The following YWHAZ variants were observed in gnomAD, a reference collection of about 807,000 sequenced individuals.
YWHAZ encodes the protein tyrosine 3-monooxygenase/tryptophan 5-monooxygenase activation protein zeta, also known as 14-3-3 protein zeta/delta.
For missense variants in YWHAZ, 79 were observed against 284.8 expected (o/e 0.28, Z 5.20); for synonymous variants, 87 against 103.6 (o/e 0.84, Z 0.97).
In YWHAZ at chr8:100,951,186, C is replaced by A. The variant is rs138890711; in HGVS notation, c.-12+743G>T. ...GGCGAGCCCCACCCCAAAACCTCACCCCGCAGTGGACTCCCCTCCCGCCGG... is the reference window on the plus strand; with the variant it reads ...GGCGAGCCCCACCCCAAAACCTCACACCGCAGTGGACTCCCCTCCCGCCGG... On this transcript the variant is annotated intron_variant, in intron 1 of 5. Transcript: ENST00000395958. 2,134 of 985,302 alleles carry A rather than the reference C, an allele frequency of 2.2e-3. 28 individuals carry two copies. In the African/African-American group the frequency reaches 0.032, roughly 15 times the overall value. The allele number at this position is 985,302 out of a possible 1,614,324, so 61.0% of individuals were successfully genotyped here.
In YWHAZ at chr8:100,948,580, C is replaced by A; in HGVS notation, c.294+16G>T. On this transcript the variant is annotated intron_variant, in intron 2 of 5. Coordinates refer to ENST00000395958, the MANE Select transcript of YWHAZ (RefSeq NM_145690.3). The surrounding 1 kb of genome is among the most constrained non-coding windows in gnomAD (Gnocchi z 4.2). ...GACCCTACAGTATAATGAAGCCAGA[C>A]TGAATTGATTCTCACCAGTACATCA... 6.2e-7 allele frequency: 1 copy of A among 1,608,262 alleles called. No individual in the cohort carries two copies. Among genetic ancestry groups the A allele is most frequent in the South Asian group, 1.1e-5 (1 of 90,770 alleles).
At chr8:100,945,353 CAG>C (rs1368616466) in intron 2 of YWHAZ, among the ~76,000 whole-genome samples, 1 of 152,132 alleles carries the variant, frequency 6.6e-6, no homozygotes, top group Admixed American at 6.5e-5. Flanking sequence ...CAGAAAAACT[CAG>C]AACTTTGGAG....
chr8:100,937,796 A>C (rs1238286342), intron 2 of YWHAZ, among the ~76,000 whole-genome samples: 1 of 152,244 alleles, frequency 6.6e-6, no homozygotes, highest in Non-Finnish European at 1.5e-5. Flanking sequence ...AAGAGCCCTC[A>C]AAAGTGATTC....
chr8:100,946,982 G>A (rs1432649740), intron 2 of YWHAZ, among the ~76,000 whole-genome samples: 10 of 150,798 alleles, frequency 6.6e-5, no homozygotes, highest in South Asian at 4.2e-4. Flanking sequence ...GGCCGGGCGC[G>A]GTGGCTCAAG....
upstream of YWHAZ, chr8:100,952,274 G>C (rs1418752174): frequency 2.1e-6 from 1 of 471,130 alleles, no homozygotes; most frequent in African/African-American, 2.1e-5. Context: ...CACCCCGCTC[G>C]GCTTCCAGCT....
In YWHAZ at chr8:100,919,696, A is replaced by G. The variant is rs1017912493; in HGVS notation, c.*997T>C. 2.6e-5 allele frequency: 4 copies of G among 152,500 alleles called. No individual in the cohort carries two copies. Among genetic ancestry groups the G allele is most frequent in the African/African-American group, 4.8e-5 (2 of 41,310 alleles). The allele number at this position is 152,500 out of a possible 1,614,324, so 9.4% of individuals were successfully genotyped here. On this transcript the variant is annotated 3_prime_UTR_variant, in exon 6 of 6. Coordinates refer to ENST00000395958, the MANE Select transcript of YWHAZ (RefSeq NM_145690.3). ...GAAAAGCTGTAGAGAAAGTAGTTGA[A>G]AAGTCCATTCATAAAACTTTTATTC... is the stretch of plus-strand genomic sequence containing the variant.
rs1810441189 is a variant in YWHAZ at position 100,948,098 on chromosome 8, A to T, written c.294+498T>A. 1 of 1,534,734 alleles carries T rather than the reference A, an allele frequency of 6.5e-7. No homozygotes were observed. The highest frequency in any genetic ancestry group is 1.2e-5 in the South Asian group (1 of 83,930). On this transcript the variant is annotated intron_variant, in intron 2 of 5. Transcript: ENST00000395958. The surrounding 1 kb of genome is among the most constrained non-coding windows in gnomAD (Gnocchi z 4.2). ...TTACCTTCAAGAATTCAATGCAGGA[A>T]GAGGTTTCATAGTTGTGACGCCAGA...
At position 100,917,284 on chromosome 8, in the gene YWHAZ, AC is replaced by A. The variant is rs1304434607; in HGVS notation, c.*3408del. ...ACATATTCTTTCTCTTTCTCCCCCC[AC>A]CCCCTATAACAGCATGAAGTAACAG... On this transcript the variant is annotated 3_prime_UTR_variant, in exon 6 of 6. Transcript: ENST00000395958. 2.6e-5 allele frequency: 4 copies of A among 151,632 alleles called. No individual in the cohort carries two copies. In the East Asian group the frequency reaches 7.8e-4, roughly 29 times the overall value. 9.4% of individuals were successfully genotyped at this position (151,632 alleles called of 1,614,324 possible).
At chr8:100,932,830 G>T (rs1813849617) in intron 2 of YWHAZ, among the ~76,000 whole-genome samples, 1 of 151,992 alleles carries the variant, frequency 6.6e-6, no homozygotes. Context: ...CTATTTAAGG[G>T]CTATTAATAA....
chr8:100,950,650 C>G, intron 1 of YWHAZ: 1 of 932,614 alleles, frequency 1.1e-6, no homozygotes, highest in Non-Finnish European at 1.3e-6. Context: ...CGCCCCCGCC[C>G]AAGCCGTGGG....
In YWHAZ at chr8:100,918,440, ATAT is replaced by A. The variant is rs1229849413; in HGVS notation, c.*2250_*2252del. On this transcript the variant is annotated 3_prime_UTR_variant, in exon 6 of 6. Coordinates refer to ENST00000395958, the MANE Select transcript of YWHAZ (RefSeq NM_145690.3). Reference sequence around the variant, plus strand: ...TATATATATATATATATATATATATATATAATTATTTTACCTCCTTGGCTTGGG... The same window carrying A: ...TATATATATATATATATATATATATAAATTATTTTACCTCCTTGGCTTGGG... The A allele has an allele frequency of 7.9e-5, 9 of 113,660 alleles. 1 individual carries two copies. The East Asian group carries it at 8.7e-4, about 11-fold the overall frequency. 7.0% of individuals were successfully genotyped at this position (113,660 alleles called of 1,614,324 possible). A position where few individuals can be genotyped will look rare whatever the true frequency, so the allele number is the denominator to read the frequency against.
At chr8:100,953,152 T>G, upstream of YWHAZ, 1 of 985,918 alleles carries the variant, frequency 1.0e-6, no homozygotes, top group Non-Finnish European at 1.2e-6. Context: ...CTGGCAGCCT[T>G]GACCCGGAGA....
At chr8:100,925,677 G>A (rs1296664016) in intron 2 of YWHAZ, among the ~76,000 whole-genome samples, 1 of 152,188 alleles carries the variant, frequency 6.6e-6, no homozygotes, top group Non-Finnish European at 1.5e-5. Context: ...CGGCTAGTAA[G>A]ATACACGATT....
At position 100,917,910 on chromosome 8, in the gene YWHAZ, C is replaced by T. The variant is rs1812770090; in HGVS notation, c.*2783G>A. The stretch of plus-strand genomic sequence containing the variant: ...TCTCAGGTTGGAAATTTTCCTTAAT[C>T]TATTGGGAACTACTATGTAGAAAAC... On this transcript the variant is annotated 3_prime_UTR_variant, in exon 6 of 6. Transcript: ENST00000395958. The T allele has an allele frequency of 6.6e-6, 1 of 152,134 alleles. No individual in the cohort carries two copies. Among genetic ancestry groups the T allele is most frequent in the Admixed American group, 6.5e-5 (1 of 15,278 alleles). The allele number at this position is 152,134 out of a possible 1,614,324, so 9.4% of individuals were successfully genotyped here. A position where few individuals can be genotyped will look rare whatever the true frequency, so the allele number is the denominator to read the frequency against.
intron 1 of YWHAZ, chr8:100,951,723 A>G: frequency 1.1e-5 from 11 of 985,278 alleles, no homozygotes; most frequent in Non-Finnish European, 1.3e-5. Context: ...TGCGGAAGCA[A>G]GGAGCCGGAG....
intron 2 of YWHAZ, among the ~76,000 whole-genome samples, chr8:100,938,202 TC>T (rs963873088): frequency 7.2e-5 from 11 of 151,820 alleles, no homozygotes; most frequent in South Asian, 2.1e-4. Flanking sequence ...CAACTCCTCA[TC>T]CCCCCCTACA....
chr8:100,946,745 T>C (rs1374619673), intron 2 of YWHAZ, among the ~76,000 whole-genome samples: 4 of 152,060 alleles, frequency 2.6e-5, no homozygotes, highest in Non-Finnish European at 4.4e-5. Flanking sequence ...TTGACTTTTG[T>C]CTTAAGGGAA....
intron 2 of YWHAZ, among the ~76,000 whole-genome samples, chr8:100,940,954 A>G (rs991980900): frequency 2.0e-5 from 3 of 152,260 alleles, no homozygotes; most frequent in Non-Finnish European, 2.9e-5. Context: ...CTCTGCTCCA[A>G]TTAAAGAAAA....
chr8:100,933,037 A>C (rs1473847832), intron 2 of YWHAZ, among the ~76,000 whole-genome samples: 2 of 152,174 alleles, frequency 1.3e-5, no homozygotes, highest in Admixed American at 1.3e-4. Flanking sequence ...AAGTGATAAG[A>C]ATCAGTATTA....
Sources: allele counts gnomAD v4.1 joint callset (sites outside exome capture counted in the v4.1 genomes callset), GRCh38; gene constraint gnomAD v4.1.1; non-coding constraint Gnocchi (gnomAD v3.1); transcripts MANE v1.5; gene names NCBI Gene and HGNC (gene_info 2026-07-23, HGNC 2026-07-21).